The following PTGER3 variants were observed in gnomAD, a reference collection of about 807,000 sequenced individuals.
The protein encoded by PTGER3 is prostaglandin E2 receptor EP3 subtype.
Under a neutral mutation model 34.7 loss-of-function variants are expected in PTGER3, and 22 were observed. That is an observed-to-expected ratio of 0.63 (90% CI 0.45 to 0.91). The LOEUF (loss-of-function observed/expected upper bound fraction) is 0.91, where lower values mean the gene tolerates loss of function less well. Ranked by LOEUF, PTGER3 falls within the 40% of genes least tolerant of loss-of-function variation. The pLI, the probability that PTGER3 is intolerant of heterozygous loss-of-function variation, is 0.00. For missense variants in PTGER3, 468 were observed against 519.4 expected, an observed-to-expected ratio of 0.90 and a Z score of 0.96; for synonymous variants, 241 against 230.1, an observed-to-expected ratio of 1.05 and a Z score of -0.43.
At chr1:70,955,691 TA>T (rs35250266) in intron 2 of PTGER3, among the ~76,000 whole-genome samples, 81 of 152,092 alleles carry the variant, frequency 5.3e-4, no homozygotes, top group African/African-American at 1.7e-3. Context: ...ATACAGGAAA[TA>T]AAAAAAGTTT....
At chr1:70,948,974 AT>A (rs1203147937), downstream of PTGER3, among the ~76,000 whole-genome samples, 1 of 152,026 alleles carries the variant, frequency 6.6e-6, no homozygotes, top group African/African-American at 2.4e-5. Context: ...TAGTATTAAA[AT>A]TTTTTCTTTG....
At chr1:70,957,180 C>G (rs1651434383) in intron 2 of PTGER3, among the ~76,000 whole-genome samples, 1 of 152,152 alleles carries the variant, frequency 6.6e-6, no homozygotes. Context: ...GTCCCCTTGT[C>G]CAAAGAATTA....
chr1:70,965,433 G>A (rs879465854), intron 2 of PTGER3, among the ~76,000 whole-genome samples: 1 of 152,114 alleles, frequency 6.6e-6, no homozygotes, highest in Non-Finnish European at 1.5e-5. Context: ...CAGCAAAGAC[G>A]GAGGGGCAGA....
In PTGER3 at chr1:70,857,598, T is replaced by G. The variant is rs537645826; in HGVS notation, c.*24-4739A>C. Among the ~76,000 whole-genome samples, 38 of 152,108 alleles carry G rather than the reference T, an allele frequency of 2.5e-4. No homozygotes were observed. In the East Asian group the frequency reaches 6.6e-3, roughly 26 times the overall value. On this transcript the variant is annotated intron_variant, in intron 4 of 4. Transcript: ENST00000370931. ...TCGCCCAGGCTGGAGTGCAGTGGCA[T>G]GATCTCGGCTCCCTGCAAGCTCCGC...
At chr1:70,952,548 A>G in exon 4 of PTGER3, 1 of 993,910 alleles carries the variant, frequency 1.0e-6, no homozygotes, top group Non-Finnish European at 1.2e-6. Context: ...CCCTTTACAT[A>G]TTTCTTCTGG....
chr1:70,858,201 C>T (rs900866017), intron 4 of PTGER3, among the ~76,000 whole-genome samples: 158 of 133,940 alleles, frequency 1.2e-3, no homozygotes, highest in East Asian at 2.2e-3. Context: ...AACACAGATT[C>T]TTTTTTTTTT....
chr1:71,028,704 G>T (rs1326560468), intron 1 of PTGER3, among the ~76,000 whole-genome samples: 1 of 151,958 alleles, frequency 6.6e-6, no homozygotes, highest in African/African-American at 2.4e-5. Context: ...GTTTTCTTGT[G>T]CTCCTTCCCA....
At chr1:70,857,508 T>C (rs548851815) in intron 4 of PTGER3, among the ~76,000 whole-genome samples, 18 of 151,986 alleles carry the variant, frequency 1.2e-4, no homozygotes, top group Middle Eastern at 3.4e-3. Flanking sequence ...TTAGCATGGA[T>C]TTCTTGTGTT....
At chr1:71,033,675 T>C (rs980372136) in intron 1 of PTGER3, among the ~76,000 whole-genome samples, 1 of 152,196 alleles carries the variant, frequency 6.6e-6, no homozygotes, top group Non-Finnish European at 1.5e-5. Flanking sequence ...GTTTCTTTTT[T>C]TGAAAATTAA....
At chr1:70,874,214 C>T (rs572299105) in intron 4 of PTGER3, among the ~76,000 whole-genome samples, 1 of 152,294 alleles carries the variant, frequency 6.6e-6, no homozygotes, top group East Asian at 1.9e-4. Context: ...CTGCAGCAAG[C>T]AGAGCTCAGT....
intron 1 of PTGER3, among the ~76,000 whole-genome samples, chr1:71,039,606 C>A (rs549646877): frequency 7.1e-6 from 1 of 141,458 alleles, no homozygotes; most frequent in South Asian, 2.2e-4. Context: ...GCGGAGATTG[C>A]GCCACTGCAC....
intron 4 of PTGER3, among the ~76,000 whole-genome samples, chr1:70,909,366 C>A (rs1251417128): frequency 6.6e-6 from 1 of 152,158 alleles, no homozygotes; most frequent in Non-Finnish European, 1.5e-5. Flanking sequence ...ATACTTTACA[C>A]TGAAAGCCAT....
rs371247288 is a variant in PTGER3 at position 71,013,082 on chromosome 1, T to G, written c.898-598A>C. Among the ~76,000 whole-genome samples, 54 of 152,248 alleles carry G rather than the reference T, an allele frequency of 3.5e-4. 1 individual carries two copies. The highest frequency in any genetic ancestry group is 1.3e-3 in the African/African-American group (53 of 41,542). On this transcript the variant is annotated intron_variant, in intron 1 of 3. Transcript: ENST00000306666. ...GATGAGCCAGACTAATACCATATGA[T>G]GTACAATATTATACTTTTCTTTGCC... is the stretch of plus-strand genomic sequence containing the variant.
intron 2 of PTGER3, chr1:71,010,003 A>G (rs1657301497): frequency 2.0e-6 from 2 of 985,098 alleles, no homozygotes; most frequent in South Asian, 4.7e-5. Flanking sequence ...TATGCCATTT[A>G]CATAATTTCT....
At chr1:70,877,571 T>C (rs1253543761) in intron 4 of PTGER3, among the ~76,000 whole-genome samples, 1 of 152,210 alleles carries the variant, frequency 6.6e-6, no homozygotes, top group Non-Finnish European at 1.5e-5. Flanking sequence ...GCCCCTTGAA[T>C]ATGGTGTTGG....
intron 4 of PTGER3, among the ~76,000 whole-genome samples, chr1:70,926,419 A>C (rs28380409): frequency 6.6e-6 from 1 of 152,032 alleles, no homozygotes; most frequent in Non-Finnish European, 1.5e-5. Flanking sequence ...TGGATTCCTA[A>C]GTATTTTATT....
rs183364084 is a variant in PTGER3, at chr1:70,953,711, A to G, written c.1104+52T>C. 24 of 1,538,720 alleles carry G rather than the reference A, an allele frequency of 1.6e-5. No homozygotes were observed. In the Admixed American group the frequency reaches 4.8e-4, roughly 31 times the overall value. ...CAAACAGTACAGTTGGCAGAAAGTG[A>G]AGAGGTTTGGATTCAAATGCAACTA... On this transcript the variant is annotated intron_variant, in intron 3 of 3. Transcript: ENST00000356595.
rs559612190 is a variant in PTGER3 at position 70,862,105 on chromosome 1, C to T, written c.*24-9246G>A. Among the ~76,000 whole-genome samples, 9 of 151,850 alleles carry T rather than the reference C, an allele frequency of 5.9e-5. No homozygotes were observed. The South Asian group carries it at 1.9e-3, about 32-fold the overall frequency. ...GGATCTATATATTGGCCAGGGTGGG[C>T]CTGGTAAGAAGTAAAATTTAGTGTC... On this transcript the variant is annotated intron_variant, in intron 4 of 4. Transcript: ENST00000370931.
rs1169043731 is a variant in PTGER3 at position 70,971,224 on chromosome 1, A to G, written c.*506T>C. On this transcript the variant is annotated 3_prime_UTR_variant, in exon 4 of 4. Transcript: ENST00000306666. ...TTGGGCACAAATATTTTTTGTCACG[A>G]TTCCCTCCTGCCCTCATTTGCTTTT... 2.0e-6 allele frequency: 2 copies of G among 985,396 alleles called. No individual in the cohort carries two copies. The highest frequency in any genetic ancestry group is 2.4e-6 in the Non-Finnish European group (2 of 829,926). The allele number at this position is 985,396 out of a possible 1,614,324, so 61.0% of individuals were successfully genotyped here.
Sources: allele counts gnomAD v4.1 joint callset (sites outside exome capture counted in the v4.1 genomes callset), GRCh38; gene constraint gnomAD v4.1.1; transcripts MANE v1.5; gene names NCBI Gene and HGNC (gene_info 2026-07-23, HGNC 2026-07-21).